Variants in ARSB observed in about 807,000 individuals in gnomAD.
ARSB encodes N-acetylgalactosamine-4-sulfatase.
In ARSB, 41 loss-of-function variants were observed where a neutral mutation model predicts 50.9. The ratio of observed to expected loss-of-function variants is 0.81; its 90% CI spans 0.63 to 1.04. ARSB has a LOEUF of 1.04. Ranked by LOEUF, ARSB falls within the 50% of genes least tolerant of loss-of-function variation. The pLI, the probability that ARSB is intolerant of heterozygous loss-of-function variation, is 0.00. For synonymous variants in ARSB, 269 were observed against 284.8 expected, an observed-to-expected ratio of 0.94 and a Z score of 0.56; for missense variants, 672 against 693.3, an observed-to-expected ratio of 0.97 and a Z score of 0.35.
At chr5:78,786,060 T>G (rs1029255333) in intron 6 of ARSB, among the ~76,000 whole-genome samples, 1 of 152,214 alleles carries the variant, frequency 6.6e-6, no homozygotes, top group Non-Finnish European at 1.5e-5. Context: ...GTATGATATA[T>G]TCACAAAGTT....
At chr5:78,806,556 C>G (rs976324830) in intron 6 of ARSB, among the ~76,000 whole-genome samples, 1 of 152,320 alleles carries the variant, frequency 6.6e-6, no homozygotes, top group East Asian at 1.9e-4. Flanking sequence ...TAGGTCTGTG[C>G]AGCCACATCA....
At chr5:78,968,918 G>A in intron 2 of ARSB, 88 bp downstream of exon 2, 1 of 1,433,928 alleles carries the variant, frequency 7.0e-7, no homozygotes, top group Non-Finnish European at 9.8e-7. Flanking sequence ...CAAATATCCA[G>A]TTCTTTCATT....
At chr5:78,977,421 T>C (rs2112557619) in intron 1 of ARSB, among the ~76,000 whole-genome samples, 1 of 152,310 alleles carries the variant, frequency 6.6e-6, no homozygotes, top group South Asian at 2.1e-4. Context: ...CCCAAAGTGC[T>C]GGGATTACAG....
At chr5:78,849,205 C>G (rs545636192) in intron 5 of ARSB, among the ~76,000 whole-genome samples, 3 of 151,938 alleles carry the variant, frequency 2.0e-5, no homozygotes, top group African/African-American at 7.3e-5. Flanking sequence ...TTAGGTCTAA[C>G]GTTTAAGTCT....
At chr5:78,795,664 A>G (rs951625379) in intron 6 of ARSB, among the ~76,000 whole-genome samples, 8 of 152,200 alleles carry the variant, frequency 5.3e-5, no homozygotes, top group Admixed American at 1.3e-4. Flanking sequence ...ACGAAACAGG[A>G]GTGTTGGGAA....
At chr5:78,866,334 G>A (rs1481834011) in intron 5 of ARSB, among the ~76,000 whole-genome samples, 2 of 152,112 alleles carry the variant, frequency 1.3e-5, no homozygotes. Flanking sequence ...ATCAGATCTT[G>A]TGAGCCCTAT....
chr5:78,786,283 C>CATAATGTTCTCA (rs1561423931), intron 6 of ARSB, among the ~76,000 whole-genome samples: 1 of 152,152 alleles, frequency 6.6e-6, no homozygotes, highest in African/African-American at 2.4e-5. Context: ...TTTCACTTGG[C>CATAATGTTCTCA]ATAATGTTCT....
chr5:78,897,065 A>C lies in ARSB; in HGVS notation c.899-11238T>G, dbSNP rs570279726. Among the ~76,000 whole-genome samples, 3 of 151,398 alleles carry C rather than the reference A, an allele frequency of 2.0e-5. No individual in the cohort carries two copies. The South Asian group carries it at 6.3e-4, about 32-fold the overall frequency. ...CTATAGTAGAAATACAAAAAAAAAG[A>C]GAGAGCAGGGATAAATGCTAAAATA... On this transcript the variant is annotated intron_variant, in intron 4 of 7. Transcript: ENST00000264914.
chr5:78,849,754 T>C (rs1334186169), intron 5 of ARSB, among the ~76,000 whole-genome samples: 1 of 145,938 alleles, frequency 6.9e-6, no homozygotes, highest in Non-Finnish European at 1.5e-5. Context: ...TGGTTTGTAG[T>C]TCTCCTTGAA....
intron 4 of ARSB, among the ~76,000 whole-genome samples, chr5:78,922,089 T>C (rs1315995690): frequency 6.6e-6 from 1 of 152,044 alleles, no homozygotes; most frequent in African/African-American, 2.4e-5. Context: ...CTCACCACCA[T>C]GGGCTCAAGT....
chr5:78,791,567 C>T (rs903974268), intron 6 of ARSB, among the ~76,000 whole-genome samples: 2 of 152,216 alleles, frequency 1.3e-5, no homozygotes, highest in African/African-American at 2.4e-5. Flanking sequence ...CGCATCTGAG[C>T]GACTGCGCTG....
chr5:78,978,594 TA>T (rs1169356728), intron 1 of ARSB, among the ~76,000 whole-genome samples: 3 of 152,216 alleles, frequency 2.0e-5, no homozygotes, highest in African/African-American at 7.2e-5. Context: ...TTGCATTTTC[TA>T]ATTCTGAAAC....
At chr5:78,821,219 T>C (rs1744207821) in intron 6 of ARSB, among the ~76,000 whole-genome samples, 1 of 152,188 alleles carries the variant, frequency 6.6e-6, no homozygotes, top group South Asian at 2.1e-4. Context: ...CACTGCAACC[T>C]CTGCCTCCCG....
chr5:78,934,392 TTAGTA>T (rs768554510), intron 4 of ARSB, among the ~76,000 whole-genome samples: 1 of 152,190 alleles, frequency 6.6e-6, no homozygotes, highest in Non-Finnish European at 1.5e-5. Flanking sequence ...GTATAGCTGT[TTAGTA>T]TAATAAAAAT....
At chr5:78,976,442 T>C (rs1040920847) in intron 1 of ARSB, among the ~76,000 whole-genome samples, 27 of 151,956 alleles carry the variant, frequency 1.8e-4, no homozygotes, top group Non-Finnish European at 3.7e-4. Context: ...CAGTCTCCTG[T>C]GTAGCTGGGA....
chr5:78,916,183 A>G (rs1749536712), intron 4 of ARSB, among the ~76,000 whole-genome samples: 1 of 152,200 alleles, frequency 6.6e-6, no homozygotes. Flanking sequence ...ACTCTACCTT[A>G]CATTTCTTTT....
At chr5:78,977,405 C>T (rs765693904) in intron 1 of ARSB, among the ~76,000 whole-genome samples, 4 of 152,102 alleles carry the variant, frequency 2.6e-5, no homozygotes, top group Non-Finnish European at 2.9e-5. Flanking sequence ...CCGCCTGCCT[C>T]GGCCTCCCAA....
chr5:78,985,343 C>G (rs1355238870), upstream of ARSB: 22 of 1,143,080 alleles, frequency 1.9e-5, no homozygotes, highest in Admixed American at 4.4e-5. Context: ...TGCTCCGCCC[C>G]GGCGCGGGAC....
chr5:78,885,728 G>T lies in ARSB; in HGVS notation c.998C>A (p.Ala333Glu). Residue 333 changes from alanine (A) to glutamate (E), a missense_variant, in exon 5 of 8, where the codon GCA (alanine) becomes GAA (glutamate). Transcript: ENST00000264914. ...GCCCTTCTGCTTCAGCAAGGGGCTT[G>T]CCACAAAGCCCACCCCTCGGACGCC... ...EGGVRGVGFV[A>E]SPLLKQKGVK... is the part of the protein sequence containing the mutation. The T allele has an allele frequency of 6.2e-7, 1 of 1,614,112 alleles. No individual in the cohort carries two copies. The highest frequency in any genetic ancestry group is 8.5e-7 in the Non-Finnish European group (1 of 1,180,022).
Sources: allele counts gnomAD v4.1 joint callset (sites outside exome capture counted in the v4.1 genomes callset), GRCh38; gene constraint gnomAD v4.1.1; transcripts MANE v1.5; gene names NCBI Gene and HGNC (gene_info 2026-07-23, HGNC 2026-07-21).